Variants in FBXO7 observed in about 807,000 individuals in gnomAD.
FBXO7 encodes the protein F-box only protein 7.
In FBXO7, 31 loss-of-function variants were observed where a neutral mutation model predicts 50.2. The observed-to-expected ratio is 0.62, with a 90% CI of 0.46 to 0.83. FBXO7 has a LOEUF of 0.83. Among genes scored for constraint, FBXO7 ranks in the 40% least tolerant of loss-of-function variants. The pLI is 0.00. For synonymous variants in FBXO7, 256 were observed against 253.1 expected, an observed-to-expected ratio of 1.01 and a Z score of -0.11; for missense variants, 667 against 646.6, an observed-to-expected ratio of 1.03 and a Z score of -0.34.
intron 7 of FBXO7, among the ~76,000 whole-genome samples, chr22:32,493,482 A>T (rs907774085): frequency 6.6e-6 from 1 of 152,158 alleles, no homozygotes; most frequent in African/African-American, 2.4e-5. Context: ...AACACAAATC[A>T]CTCATTAGAC....
chr22:32,485,194 C>T lies in FBXO7; in HGVS notation c.772C>T (p.Leu258=), dbSNP rs778920485. ...TCTCACCTGTGTGCCTTTGGGAAAC[C>T]TGATTGTTGTAAATGGTAATTGGAT... The part of the protein sequence containing the change: ...ATLTCVPLGN[L]IVVNATLKIN... Residue 258 remains leucine, a synonymous_variant, in exon 4 of 9, where the codon CTG becomes TTG. Coordinates refer to ENST00000266087, the MANE Select transcript of FBXO7 (RefSeq NM_012179.4). The T allele has an allele frequency of 1.2e-6, 2 of 1,614,126 alleles. No individual in the cohort carries two copies. The highest frequency in any genetic ancestry group is 2.2e-5 in the East Asian group (1 of 44,878).
Position 32,493,176 on chromosome 22 carries a change from C to T in FBXO7, c.1039C>T (p.Leu347=). 6.2e-7 allele frequency: 1 copy of T among 1,614,196 alleles called. No homozygotes were observed. The highest frequency in any genetic ancestry group is 8.5e-7 in the Non-Finnish European group (1 of 1,180,030). Reference sequence around the variant, plus strand: ...ACTGAAACTACGGATCTTCCGACTTCTGGATGTTCGTTCCGTCTTGTCTTT... The same window carrying T: ...ACTGAAACTACGGATCTTCCGACTTTTGGATGTTCGTTCCGTCTTGTCTTT... The part of the protein sequence containing the change: ...LELKLRIFRL[L]DVRSVLSLSA... The change falls in exon 7 of 9, where the codon CTG becomes TTG. Residue 347 remains leucine, a synonymous_variant. Coordinates refer to ENST00000266087, the MANE Select transcript of FBXO7 (RefSeq NM_012179.4).
chr22:32,493,081 T>C (rs1395816611), intron 6 of FBXO7, 24 bp from the exon 7 acceptor site: 1 of 1,612,290 alleles, frequency 6.2e-7, no homozygotes, highest in Admixed American at 1.7e-5. Context: ...GTAATACCTG[T>C]TACTTCTCTT....
At chr22:32,479,346 G>T in intron 2 of FBXO7, 71 bp downstream of exon 2, 1 of 1,398,408 alleles carries the variant, frequency 7.2e-7, no homozygotes, top group African/African-American at 1.4e-5. Flanking sequence ...GTTGAATTCT[G>T]TTCCAGTCAG....
chr22:32,496,669 C>A (rs572577601), intron 8 of FBXO7, among the ~76,000 whole-genome samples: 1 of 152,326 alleles, frequency 6.6e-6, no homozygotes, highest in East Asian at 1.9e-4. Context: ...TGCTCATTGA[C>A]AATGCAGCCA....
Position 32,498,584 on chromosome 22 carries a change from G to C in FBXO7, c.*54G>C. The C allele has an allele frequency of 1.3e-6, 2 of 1,564,472 alleles. No homozygotes were observed. The highest frequency in any genetic ancestry group is 1.1e-5 in the South Asian group (1 of 87,746). ...CATTTGTTTTTGTTTCTAAACTACA[G>C]ATGTCAACTCCTTGGGGTGCTGATC... On this transcript the variant is annotated 3_prime_UTR_variant, in exon 9 of 9. Transcript: ENST00000266087.
In FBXO7 at chr22:32,484,027, T is replaced by G. The variant is rs2057482004; in HGVS notation, c.548T>G (p.Leu183Ter). Residue 183 changes from leucine to a stop codon, truncating the protein, a stop_gained, in exon 3 of 9, where the codon TTA becomes TGA. Transcript: ENST00000266087. LOFTEE classifies it high-confidence loss of function. ...GTGGAAGGGCAAGTGCCACATTCATTAGAGACCTTGTATCAATCAGCTGAC... is the reference window on the plus strand; with the variant it reads ...GTGGAAGGGCAAGTGCCACATTCATGAGAGACCTTGTATCAATCAGCTGAC... ...ESVEGQVPHSLETLYQSADCS... is the reference protein window; with the variant it reads ...ESVEGQVPHS 2 of 1,614,078 alleles carry G rather than the reference T, an allele frequency of 1.2e-6. No homozygotes were observed. The highest frequency in any genetic ancestry group is 2.2e-5 in the South Asian group (2 of 91,094).
In FBXO7 at chr22:32,485,324, C is replaced by T. The variant is rs75673810; in HGVS notation, c.787+115C>T. ...TCATGATACAGTTGTGAGTCCTTCT[C>T]AACTGTATTTAATTCCTAGGCCACT... On this transcript the variant is annotated intron_variant, in intron 4 of 8. Transcript: ENST00000266087. 2.5e-3 allele frequency: 3,239 copies of T among 1,303,148 alleles called. 71 individuals carry two copies. The African/African-American group carries it at 0.042, about 17-fold the overall frequency. The allele number at this position is 1,303,148 out of a possible 1,614,324, so 80.7% of individuals were successfully genotyped here. A position where few individuals can be genotyped will look rare whatever the true frequency, so the allele number is the denominator to read the frequency against.
At chr22:32,477,395 A>T (rs76198297) in intron 1 of FBXO7, among the ~76,000 whole-genome samples, 1,808 of 152,344 alleles carry the variant, frequency 0.012, 45 homozygotes, top group African/African-American at 0.042. Context: ...AAATGTTTTT[A>T]AAAATGTTTT....
intron 3 of FBXO7, among the ~76,000 whole-genome samples, chr22:32,484,621 A>G (rs1361731888): frequency 1.3e-5 from 2 of 152,248 alleles, no homozygotes; most frequent in Non-Finnish European, 2.9e-5. Context: ...ACTCAGAAAT[A>G]ACACAGGTAA....
At chr22:32,496,189 T>A (rs1180024415) in intron 8 of FBXO7, among the ~76,000 whole-genome samples, 1 of 152,208 alleles carries the variant, frequency 6.6e-6, no homozygotes, top group Admixed American at 6.5e-5. Context: ...TTAACAATTA[T>A]GCTAAATCAG....
chr22:32,475,680 T>G (rs2057423535), intron 1 of FBXO7: 3 of 411,026 alleles, frequency 7.3e-6, no homozygotes, highest in East Asian at 9.0e-5. Flanking sequence ...GTTGTGTTCA[T>G]GCGCCGAGCA....
chr22:32,481,279 GAGTA>G (rs1284103773), intron 2 of FBXO7, among the ~76,000 whole-genome samples: 1 of 152,200 alleles, frequency 6.6e-6, no homozygotes, highest in African/African-American at 2.4e-5. Flanking sequence ...ACTGGGGAAT[GAGTA>G]AGAATATTTC....
intron 4 of FBXO7, 127 bp downstream of exon 4, chr22:32,485,336 A>G: frequency 2.5e-6 from 3 of 1,202,594 alleles, no homozygotes; most frequent in South Asian, 1.2e-5. Context: ...ACTGTATTTA[A>G]TTCCTAGGCC....
intron 8 of FBXO7, among the ~76,000 whole-genome samples, chr22:32,496,426 G>A (rs2057575181): frequency 6.6e-6 from 1 of 152,146 alleles, no homozygotes; most frequent in South Asian, 2.1e-4. Flanking sequence ...AGGTTGCAGT[G>A]AGCCAAGATC....
intron 4 of FBXO7, among the ~76,000 whole-genome samples, chr22:32,486,780 A>G (rs1386335860): frequency 6.6e-6 from 1 of 152,226 alleles, no homozygotes; most frequent in Non-Finnish European, 1.5e-5. Flanking sequence ...ATGTCTATTC[A>G]GCAGTTCATC....
intron 2 of FBXO7, 46 bp downstream of exon 2, chr22:32,479,321 A>G (rs1172854844): frequency 1.3e-6 from 2 of 1,538,382 alleles, no homozygotes; most frequent in Admixed American, 3.3e-5. Flanking sequence ...GTGATAAGTC[A>G]TATTGAACAC....
intron 5 of FBXO7, chr22:32,489,412 T>C (rs2057520175): frequency 6.6e-6 from 1 of 152,248 alleles, no homozygotes; most frequent in Non-Finnish European, 1.5e-5. Context: ...ATTCCTTGGC[T>C]ACGACACTCC....
rs555802685 is a variant in FBXO7, at chr22:32,485,008, A to G, written c.646-60A>G. ...CAAGTTAGGAGTCTTTTGGATTTTT[A>G]ATCTTTTTGAGAGTAACACCTTTCT... is the stretch of plus-strand genomic sequence containing the variant. On this transcript the variant is annotated intron_variant, in intron 3 of 8. Transcript: ENST00000266087. 97 of 1,610,822 alleles carry G rather than the reference A, an allele frequency of 6.0e-5. 1 individual carries two copies. The African/African-American group carries it at 1.2e-3, about 20-fold the overall frequency.
Sources: allele counts gnomAD v4.1 joint callset (sites outside exome capture counted in the v4.1 genomes callset), GRCh38; gene constraint gnomAD v4.1.1; transcripts MANE v1.5; gene names NCBI Gene and HGNC (gene_info 2026-07-23, HGNC 2026-07-21).